Variants in GALK2 observed in about 807,000 individuals in gnomAD.
GALK2 encodes galactokinase 2.
GALK2 carries 36 observed loss-of-function variants against 52.4 expected under a neutral mutation model. The observed-to-expected ratio is 0.69, with a 90% CI of 0.53 to 0.91. The LOEUF (loss-of-function observed/expected upper bound fraction) is 0.91, where lower values mean the gene tolerates loss of function less well. GALK2 is among the 40% of genes least tolerant of loss of function. The pLI is 0.00. For synonymous variants in GALK2, 176 were observed against 199.1 expected (o/e 0.88, Z 0.98); for missense variants, 579 against 559.1 (o/e 1.04, Z -0.36).
In GALK2 at chr15:49,179,321, A is replaced by G. The variant is rs140959887; in HGVS notation, c.53+8946A>G. On this transcript the variant is annotated intron_variant, in intron 1 of 9. Coordinates refer to ENST00000560031, the MANE Select transcript of GALK2 (RefSeq NM_002044.4). ...ATGAGGAAAATTGAGGCATGGAGCA[A>G]CTCATACAAATTAACATAAAAATTC... Among the ~76,000 whole-genome samples, 306 of 152,312 alleles carry G rather than the reference A, an allele frequency of 2.0e-3. 2 individuals carry two copies. The highest frequency in any genetic ancestry group is 8.5e-3 in the South Asian group (41 of 4,816).
chr15:49,184,876 A>G (rs1337545107), intron 1 of GALK2, among the ~76,000 whole-genome samples: 1 of 152,180 alleles, frequency 6.6e-6, no homozygotes, highest in Non-Finnish European at 1.5e-5. Context: ...CTTTCTACTC[A>G]AGATATAAGT....
chr15:49,201,162 G>T lies in GALK2; in HGVS notation c.54G>T (p.Arg18Ser), dbSNP rs1277820216. The T allele has an allele frequency of 6.4e-7, 1 of 1,569,008 alleles. No individual in the cohort carries two copies. The stretch of plus-strand genomic sequence containing the variant: ...TGAAATATTGTACTTTTATTTTCAG[G>T]TTACTGAAGCTAAAGGAGATGTTTA... ...TRRVQVAEHP[R>S]LLKLKEMFNS... Residue 18 changes from arginine (R) to serine (S), a missense_variant and splice_region_variant, in exon 2 of 10, where the codon AGG becomes AGT. Transcript: ENST00000560031.
At chr15:49,273,533 T>C (rs2141703435) in intron 5 of GALK2, among the ~76,000 whole-genome samples, 1 of 151,380 alleles carries the variant, frequency 6.6e-6, no homozygotes, top group East Asian at 1.9e-4. Context: ...AATAGCCTCC[T>C]TCTTGAAAAA....
intron 8 of GALK2, chr15:49,319,059 T>G: frequency 2.5e-6 from 1 of 407,382 alleles, no homozygotes; most frequent in Non-Finnish European, 4.8e-6. Flanking sequence ...CAAGCAATTC[T>G]CCCACTTCAG....
chr15:49,350,608 T>C (rs1020717284), intron 3 of GALK2, among the ~76,000 whole-genome samples: 1 of 152,160 alleles, frequency 6.6e-6, no homozygotes, highest in African/African-American at 2.4e-5. Context: ...TAAGAACAAA[T>C]GGTTCATCTC....
chr15:49,365,969 A>G (rs75624651), intron 3 of GALK2: 18,949 of 852,150 alleles, frequency 0.022, 837 homozygotes, highest in African/African-American at 0.12. Context: ...TTGTGGAAGA[A>G]ATAAAGTAAG....
At chr15:49,208,052 C>T (rs559023521) in intron 2 of GALK2, among the ~76,000 whole-genome samples, 1 of 152,188 alleles carries the variant, frequency 6.6e-6, no homozygotes, top group African/African-American at 2.4e-5. Flanking sequence ...GGATTACAGG[C>T]GTGAGTCACT....
At chr15:49,259,868 A>T (rs1273244678) in intron 5 of GALK2, among the ~76,000 whole-genome samples, 1 of 151,748 alleles carries the variant, frequency 6.6e-6, no homozygotes, top group Non-Finnish European at 1.5e-5. Context: ...ACTGAGAATG[A>T]TGATTTCCAG....
intron 3 of GALK2, chr15:49,225,286 G>A (rs1016462740): frequency 2.2e-6 from 1 of 454,706 alleles, no homozygotes; most frequent in Non-Finnish European, 4.4e-6. Flanking sequence ...GTCCTGTAGA[G>A]CAGGGTTCCC....
chr15:49,260,604 C>A (rs1293456493), intron 5 of GALK2, among the ~76,000 whole-genome samples: 99 of 147,118 alleles, frequency 6.7e-4, no homozygotes, highest in African/African-American at 2.3e-3. Flanking sequence ...GCTTTTGTTG[C>A]CATTGCTTTT....
chr15:49,334,847 G>A (rs2039428129), downstream of GALK2, among the ~76,000 whole-genome samples: 1 of 152,150 alleles, frequency 6.6e-6, no homozygotes, highest in Non-Finnish European at 1.5e-5. Context: ...AGAAGAACTG[G>A]ACCCTGCCCA....
intron 3 of GALK2, among the ~76,000 whole-genome samples, chr15:49,343,044 T>C (rs980908899): frequency 7.2e-5 from 11 of 152,184 alleles, no homozygotes; most frequent in Admixed American, 7.2e-4. Context: ...TCTGAATTTC[T>C]TGAATCTGGT....
intron 8 of GALK2, among the ~76,000 whole-genome samples, chr15:49,303,053 G>T (rs2035243975): frequency 6.6e-6 from 1 of 151,936 alleles, no homozygotes. Flanking sequence ...TCTCTGCCTG[G>T]TCACTTCCTT....
chr15:49,235,221 A>G (rs1272479645), intron 3 of GALK2, among the ~76,000 whole-genome samples: 3 of 152,222 alleles, frequency 2.0e-5, no homozygotes, highest in Non-Finnish European at 4.4e-5. Flanking sequence ...ACAAATTATC[A>G]TACAGTTTAC....
At chr15:49,159,588 A>AT (rs1555393691) in intron 1 of GALK2, among the ~76,000 whole-genome samples, 122 of 147,598 alleles carry the variant, frequency 8.3e-4, no homozygotes, top group South Asian at 2.6e-3. Context: ...AAAAAAAAAA[A>AT]AAAATAAAAT....
chr15:49,228,681 A>T (rs1299989583), intron 3 of GALK2, among the ~76,000 whole-genome samples: 19 of 9,672 alleles, frequency 2.0e-3, no homozygotes, highest in African/African-American at 7.4e-3. Context: ...ATATATATAT[A>T]TATATATTTT....
At position 49,329,562 on chromosome 15, in the gene GALK2, A is replaced by G. The variant is rs1173466586; in HGVS notation, c.*1403A>G. On this transcript the variant is annotated 3_prime_UTR_variant, in exon 10 of 10. Coordinates refer to ENST00000560031, the MANE Select transcript of GALK2 (RefSeq NM_002044.4). ...CTTAAAGGATAACAGTCATACATAG[A>G]ATACTAGGAAAGCCAATATTCTATT... is the stretch of plus-strand genomic sequence containing the variant. The G allele has an allele frequency of 2.0e-6, 2 of 984,690 alleles. No individual in the cohort carries two copies. Among genetic ancestry groups the G allele is most frequent in the African/African-American group, 3.5e-5 (2 of 57,222 alleles). 61.0% of individuals were successfully genotyped at this position (984,690 alleles called of 1,614,324 possible).
intron 3 of GALK2, among the ~76,000 whole-genome samples, chr15:49,355,652 T>C (rs1202192476): frequency 1.3e-5 from 2 of 151,976 alleles, no homozygotes; most frequent in African/African-American, 2.4e-5. Flanking sequence ...TGGAACCAAG[T>C]TGGAAAACAC....
chr15:49,181,501 C>CTT lies in GALK2; in HGVS notation c.53+11145_53+11146dup, dbSNP rs370757144. Among the ~76,000 whole-genome samples, 105 of 113,614 alleles carry CTT rather than the reference C, an allele frequency of 9.2e-4. 2 individuals are homozygous for CTT. The highest frequency in any genetic ancestry group is 5.8e-3 in the Middle Eastern group (1 of 172). 74.5% of individuals were successfully genotyped at this position (113,614 alleles called of 152,430 possible). A position where few individuals can be genotyped will look rare whatever the true frequency, so the allele number is the denominator to read the frequency against. The stretch of plus-strand genomic sequence containing the variant: ...AAATGTTTCTTTTTTAAAAAAAAGA[C>CTT]TTTTTTTTTTTTTTTTTTTTGGAAC... On this transcript the variant is annotated intron_variant, in intron 1 of 9. Transcript: ENST00000560031.
Sources: gnomAD v4.1 joint callset for allele counts (sites outside exome capture counted in the v4.1 genomes callset) on GRCh38, gnomAD v4.1.1 for gene constraint, MANE v1.5 for transcripts, NCBI Gene and HGNC (gene_info 2026-07-23, HGNC 2026-07-21) for gene names.